NFKBIZ: variants seen among roughly 807,000 people sequenced by gnomAD.
The protein encoded by NFKBIZ is NF-kappa-B inhibitor zeta.
A neutral mutation model predicts 76.8 loss-of-function variants in NFKBIZ; 19 were observed. The observed-to-expected ratio is 0.25, with a 90% CI of 0.17 to 0.36. NFKBIZ has a LOEUF of 0.36. NFKBIZ is among the 10% of genes least tolerant of loss of function. The pLI is 1.00. For synonymous variants in NFKBIZ, 368 were observed against 354.8 expected (o/e 1.04, Z -0.42); for missense variants, 829 against 910.9 (o/e 0.91, Z 1.16).
rs777684350 is a variant in NFKBIZ at position 101,853,376 on chromosome 3, G to T, written c.850G>T (p.Ala284Ser). Residue 284 changes from alanine (A) to serine (S), a missense_variant, in exon 5 of 12, where the codon GCT becomes TCT. Physicochemically the swap from Ala to Ser is moderately conservative, Grantham distance 99. This residue lies in a region of NFKBIZ where 371 missense variants were observed against 332.3 expected (regional missense o/e 1.12). Coordinates refer to ENST00000326172, the MANE Select transcript of NFKBIZ (RefSeq NM_031419.4). ...VRGSQQMIDQ[A>S]SLYQYSPQNQ... ...GGGCTCCCAACAAATGATAGACCAG[G>T]CTTCCCTGTACCAGTATTCTCCACA... 1 of 1,614,064 alleles carries T rather than the reference G, an allele frequency of 6.2e-7. No individual in the cohort carries two copies. Among genetic ancestry groups the T allele is most frequent in the Middle Eastern group, 1.6e-4 (1 of 6,062 alleles).
intron 1 of NFKBIZ, 110 bp from the exon 2 acceptor site, chr3:101,851,975 T>C: frequency 7.5e-7 from 1 of 1,327,274 alleles, no homozygotes; most frequent in Non-Finnish European, 1.0e-6. Context: ...TTTTGCAATG[T>C]GCTGCTTGGG....
At position 101,853,596 on chromosome 3, in the gene NFKBIZ, T is replaced by G. The variant is rs1943003478; in HGVS notation, c.1070T>G (p.Met357Arg). Residue 357 changes from methionine (M) to arginine (R), a missense_variant, in exon 5 of 12, where the codon ATG (methionine) becomes AGG (arginine). Physicochemically the swap from Met to Arg is moderately conservative, Grantham distance 91. Coordinates refer to ENST00000326172, the MANE Select transcript of NFKBIZ (RefSeq NM_031419.4). ...QRESENIANP[M>R]QTSSSVQQQN... ...GAATCTGAGAATATTGCTAATCCCA[T>G]GCAGACTTCCTCCAGTGTTCAGCAG... The G allele has an allele frequency of 1.2e-6, 2 of 1,614,252 alleles. No homozygotes were observed. The highest frequency in any genetic ancestry group is 1.7e-6 in the Non-Finnish European group (2 of 1,180,050).
At position 101,859,460 on chromosome 3, in the gene NFKBIZ, G is replaced by A; in HGVS notation, c.*89G>A. 2 of 1,011,418 alleles carry A rather than the reference G, an allele frequency of 2.0e-6. No homozygotes were observed. The highest frequency in any genetic ancestry group is 1.4e-5 in the South Asian group (1 of 73,660). 62.7% of individuals were successfully genotyped at this position (1,011,418 alleles called of 1,614,324 possible). A position where few individuals can be genotyped will look rare whatever the true frequency, so the allele number is the denominator to read the frequency against. ...TACATAGACCATTTGCCTTATATTG[G>A]CAAATGTAAGTTGTTTCTATGAAAC... On this transcript the variant is annotated 3_prime_UTR_variant, in exon 12 of 12. Transcript: ENST00000326172.
chr3:101,861,019 A>G lies in NFKBIZ; in HGVS notation c.*1648A>G, dbSNP rs531808154. 1.2e-4 allele frequency: 18 copies of G among 152,254 alleles called. No individual in the cohort carries two copies. Among genetic ancestry groups the G allele is most frequent in the Middle Eastern group, 3.4e-3 (1 of 294 alleles). 9.4% of individuals were successfully genotyped at this position (152,254 alleles called of 1,614,324 possible). A position where few individuals can be genotyped will look rare whatever the true frequency, so the allele number is the denominator to read the frequency against. Reference sequence around the variant, plus strand: ...ATGGTTTTAAATAAACTAATTCACTAATATTATTTGTCTTACATGCATTTT... The same window carrying G: ...ATGGTTTTAAATAAACTAATTCACTGATATTATTTGTCTTACATGCATTTT... On this transcript the variant is annotated 3_prime_UTR_variant, in exon 12 of 12. Coordinates refer to ENST00000326172, the MANE Select transcript of NFKBIZ (RefSeq NM_031419.4).
rs1313112655 is a variant in NFKBIZ, at chr3:101,859,388, C to A, written c.*17C>A. ...CCGTATTAGCTCCATTAGCTTGGAG[C>A]CTGGCTAGCAACACTCACTGTCAGT... On this transcript the variant is annotated 3_prime_UTR_variant, in exon 12 of 12. Transcript: ENST00000326172. 2.5e-6 allele frequency: 4 copies of A among 1,611,160 alleles called. No homozygotes were observed. The South Asian group carries it at 3.3e-5, about 13-fold the overall frequency.
In NFKBIZ at chr3:101,860,555, G is replaced by C. The variant is rs1943117927; in HGVS notation, c.*1184G>C. 1 of 151,768 alleles carries C rather than the reference G, an allele frequency of 6.6e-6. No individual in the cohort carries two copies. Among genetic ancestry groups the C allele is most frequent in the South Asian group, 2.1e-4 (1 of 4,822 alleles). 9.4% of individuals were successfully genotyped at this position (151,768 alleles called of 1,614,324 possible). A position where few individuals can be genotyped will look rare whatever the true frequency, so the allele number is the denominator to read the frequency against. ...ATTTATGTGTTCTGTTGAAATTTTT[G>C]TTTTTTTACCTTTATTGAAACAACA... On this transcript the variant is annotated 3_prime_UTR_variant, in exon 12 of 12. Coordinates refer to ENST00000326172, the MANE Select transcript of NFKBIZ (RefSeq NM_031419.4).
chr3:101,839,989 CAAAG>C (rs2107400773), intron 2 of NFKBIZ, among the ~76,000 whole-genome samples: 1 of 151,520 alleles, frequency 6.6e-6, no homozygotes, highest in African/African-American at 2.4e-5. Context: ...AAGAGTGTCA[CAAAG>C]AAGAATGGAG....
At chr3:101,854,977 T>TC (rs1480451968) in intron 6 of NFKBIZ, 85 bp from the exon 7 acceptor site, 3 of 1,401,748 alleles carry the variant, frequency 2.1e-6, no homozygotes, top group African/African-American at 1.4e-5. Context: ...TGTGGGTTTT[T>TC]CCCTCAGTCA....
intron 1 of NFKBIZ, 23 bp from the exon 2 acceptor site, chr3:101,852,062 A>ATGTTT: frequency 6.2e-7 from 1 of 1,604,600 alleles, no homozygotes; most frequent in Non-Finnish European, 8.5e-7. Flanking sequence ...AACCAGGAAT[A>ATGTTT]TGTTTTGTTT....
chr3:101,850,299 T>A, intron 1 of NFKBIZ: 1 of 182,592 alleles, frequency 5.5e-6, no homozygotes. Flanking sequence ...AATATTTTAG[T>A]GGAAAGCTGT....
At chr3:101,855,026 T>C in intron 6 of NFKBIZ, 36 bp from the exon 7 acceptor site, 1 of 1,554,560 alleles carries the variant, frequency 6.4e-7, no homozygotes, top group Non-Finnish European at 8.7e-7. Context: ...TAACATTGTA[T>C]GTTTAAAATA....
At chr3:101,850,069 G>A in intron 1 of NFKBIZ, 152 bp downstream of exon 1, 1 of 844,512 alleles carries the variant, frequency 1.2e-6, no homozygotes. Context: ...CGCCTTGCCC[G>A]GGCCGGGCGC....
chr3:101,830,527 C>T (rs1014616780), intron 2 of NFKBIZ, among the ~76,000 whole-genome samples: 2 of 152,126 alleles, frequency 1.3e-5, no homozygotes, highest in African/African-American at 2.4e-5. Flanking sequence ...TCTTTATGTC[C>T]TTGAGTATCC....
chr3:101,828,975 T>G (rs1487808459), intron 1 of NFKBIZ, among the ~76,000 whole-genome samples: 1 of 152,188 alleles, frequency 6.6e-6, no homozygotes, highest in East Asian at 1.9e-4. Context: ...AATATTTTTT[T>G]GCTTCTGTTA....
chr3:101,849,375 T>A, upstream of NFKBIZ: 1 of 339,658 alleles, frequency 2.9e-6, no homozygotes, highest in Non-Finnish European at 5.3e-6. Flanking sequence ...CCTCATCCTG[T>A]ACATTTTACT....
In NFKBIZ at chr3:101,857,441, T is replaced by C; in HGVS notation, c.2085T>C (p.Asp695=). The change falls in exon 11 of 12, where the codon GAT becomes GAC. Residue 695 remains aspartate, a synonymous_variant. Coordinates refer to ENST00000326172, the MANE Select transcript of NFKBIZ (RefSeq NM_031419.4). ...AACAGCCAGTGCATTTGGTTCCCGA[T>C]GGCCCTGTGGGAGAACAGGTGAGAG... ...ENEQPVHLVP[D]GPVGEQIRRI... The C allele has an allele frequency of 6.2e-7, 1 of 1,614,142 alleles. No homozygotes were observed. Among genetic ancestry groups the C allele is most frequent in the Non-Finnish European group, 8.5e-7 (1 of 1,180,036 alleles).
At chr3:101,851,711 C>T (rs1942968128) in intron 1 of NFKBIZ, among the ~76,000 whole-genome samples, 1 of 152,140 alleles carries the variant, frequency 6.6e-6, no homozygotes, top group South Asian at 2.1e-4. Flanking sequence ...GTCAGGATGG[C>T]AAAATCTGTC....
intron 2 of NFKBIZ, among the ~76,000 whole-genome samples, chr3:101,831,509 G>A (rs72937701): frequency 0.017 from 2,576 of 152,160 alleles, 75 homozygotes; most frequent in African/African-American, 0.059. Flanking sequence ...ATTTTTCATG[G>A]ATTTTAAAAG....
At chr3:101,845,385 T>C (rs1942836883), upstream of NFKBIZ, among the ~76,000 whole-genome samples, 1 of 151,546 alleles carries the variant, frequency 6.6e-6, no homozygotes, top group Non-Finnish European at 1.5e-5. Context: ...CCTTGACTTC[T>C]TGGGCTCAAG....
Sources: gnomAD v4.1 joint callset for allele counts (sites outside exome capture counted in the v4.1 genomes callset) on GRCh38, gnomAD v4.1.1 for gene constraint, gnomAD v4.1.1 regional missense constraint, MANE v1.5 for transcripts, NCBI Gene and HGNC (gene_info 2026-07-23, HGNC 2026-07-21) for gene names.